Variants in LUZP2 observed in about 807,000 individuals in gnomAD.
LUZP2 encodes leucine zipper protein 2.
In LUZP2, 52 loss-of-function variants were observed where a neutral mutation model predicts 51.6. That is an observed-to-expected ratio of 1.01 (90% confidence interval 0.81 to 1.27). The LOEUF (loss-of-function observed/expected upper bound fraction) is 1.27. Among genes scored for constraint, LUZP2 ranks in the 50% most tolerant of loss-of-function variants. LUZP2 has a pLI of 0.00. For synonymous variants in LUZP2, 154 were observed against 137.3 expected (o/e 1.12, Z -0.85); for missense variants, 436 against 395.4 (o/e 1.10, Z -0.87).
At chr11:25,073,005 G>A (rs1859199361) in intron 10 of LUZP2, among the ~76,000 whole-genome samples, 1 of 152,052 alleles carries the variant, frequency 6.6e-6, no homozygotes. Flanking sequence ...CAAACACTGG[G>A]CTCAGAACAA....
chr11:24,690,469 A>G (rs1373041271), intron 1 of LUZP2, among the ~76,000 whole-genome samples: 2 of 152,288 alleles, frequency 1.3e-5, no homozygotes, highest in Non-Finnish European at 2.9e-5. Flanking sequence ...CCTGAGAAGT[A>G]TCCTATCAAT....
chr11:24,569,123 G>T (rs1852342478), intron 1 of LUZP2, among the ~76,000 whole-genome samples: 1 of 151,940 alleles, frequency 6.6e-6, no homozygotes, highest in Admixed American at 6.6e-5. Context: ...AAGACCTTTG[G>T]GTTAAAATAT....
intron 9 of LUZP2, among the ~76,000 whole-genome samples, chr11:25,013,058 A>G (rs1857028320): frequency 6.6e-6 from 1 of 152,198 alleles, no homozygotes; most frequent in Non-Finnish European, 1.5e-5. Context: ...AAAATGAAAT[A>G]ACGTCATTTT....
At chr11:24,756,537 C>T (rs1055939201) in intron 4 of LUZP2, among the ~76,000 whole-genome samples, 1 of 152,164 alleles carries the variant, frequency 6.6e-6, no homozygotes, top group Non-Finnish European at 1.5e-5. Flanking sequence ...TTCTTCACCC[C>T]CTGCTCTTTT....
intron 9 of LUZP2, among the ~76,000 whole-genome samples, chr11:24,996,118 G>A (rs999971139): frequency 6.6e-6 from 1 of 151,024 alleles, no homozygotes; most frequent in African/African-American, 2.4e-5. Context: ...ACAACAAATT[G>A]TGTATCTGAG....
Position 24,799,755 on chromosome 11 carries a change from T to A in LUZP2, c.396+36447T>A, listed in dbSNP as rs553492821. ...AATAATTATAGCTATCTCCTAGTAA[T>A]GTTGTAGATATTAAATCAAATATGG... On this transcript the variant is annotated intron_variant, in intron 5 of 11. Coordinates refer to ENST00000336930, the MANE Select transcript of LUZP2 (RefSeq NM_001009909.4). 3.3e-5 allele frequency among the ~76,000 whole-genome samples: 5 copies of A among 152,296 alleles called. No homozygotes were observed. The South Asian group carries it at 8.3e-4, about 25-fold the overall frequency.
At chr11:24,934,077 G>C (rs1854529642) in intron 7 of LUZP2, among the ~76,000 whole-genome samples, 1 of 152,222 alleles carries the variant, frequency 6.6e-6, no homozygotes, top group Non-Finnish European at 1.5e-5. Context: ...CAAGGGCAGG[G>C]AAGGTGTATT....
intron 5 of LUZP2, among the ~76,000 whole-genome samples, chr11:24,842,533 A>T (rs914619520): frequency 1.3e-5 from 2 of 151,876 alleles, no homozygotes; most frequent in African/African-American, 4.8e-5. Flanking sequence ...TGACCTCTGT[A>T]CTCAACAATT....
At chr11:24,589,307 C>T (rs1853181404) in intron 1 of LUZP2, among the ~76,000 whole-genome samples, 1 of 152,088 alleles carries the variant, frequency 6.6e-6, no homozygotes, top group African/African-American at 2.4e-5. Context: ...CCCTAGTTAC[C>T]TTGTTCCTAC....
At chr11:24,917,208 A>T (rs1853817660) in intron 7 of LUZP2, among the ~76,000 whole-genome samples, 1 of 152,022 alleles carries the variant, frequency 6.6e-6, no homozygotes, top group Non-Finnish European at 1.5e-5. Flanking sequence ...AATTTGTTTG[A>T]GTTCTTTGTA....
chr11:24,530,099 T>A (rs763909290), intron 1 of LUZP2, among the ~76,000 whole-genome samples: 1 of 150,942 alleles, frequency 6.6e-6, no homozygotes, highest in Non-Finnish European at 1.5e-5. Context: ...CTTTCCATTT[T>A]CTGGTTGCAA....
chr11:24,856,956 G>A (rs889094290), intron 5 of LUZP2, among the ~76,000 whole-genome samples: 1 of 151,888 alleles, frequency 6.6e-6, no homozygotes, highest in Non-Finnish European at 1.5e-5. Flanking sequence ...GGTGAGAAGG[G>A]GTTGAGGGAT....
intron 9 of LUZP2, among the ~76,000 whole-genome samples, chr11:25,009,316 G>T (rs1284427740): frequency 6.6e-6 from 1 of 152,026 alleles, no homozygotes; most frequent in African/African-American, 2.4e-5. Context: ...TGTCATTTTT[G>T]AAATTCTCTA....
At chr11:25,022,602 A>C (rs1857370746) in intron 9 of LUZP2, among the ~76,000 whole-genome samples, 1 of 152,070 alleles carries the variant, frequency 6.6e-6, no homozygotes, top group South Asian at 2.1e-4. Context: ...AGTTTAAGAA[A>C]TCTCATTTTA....
At chr11:25,054,052 A>T (rs1402617708) in intron 10 of LUZP2, among the ~76,000 whole-genome samples, 1 of 152,154 alleles carries the variant, frequency 6.6e-6, no homozygotes. Context: ...AATTTATTAA[A>T]GATATTACAT....
At chr11:24,647,354 G>T (rs1352167654) in intron 1 of LUZP2, among the ~76,000 whole-genome samples, 1 of 151,744 alleles carries the variant, frequency 6.6e-6, no homozygotes, top group Non-Finnish European at 1.5e-5. Flanking sequence ...GACTGTGAAT[G>T]CAGCCAGTAT....
chr11:24,903,322 C>T (rs1420776702), intron 5 of LUZP2, among the ~76,000 whole-genome samples: 1 of 152,160 alleles, frequency 6.6e-6, no homozygotes, highest in Non-Finnish European at 1.5e-5. Flanking sequence ...ATAACTTCCT[C>T]CCATTTGTGT....
At chr11:24,738,381 C>T (rs1859020364) in intron 4 of LUZP2, 79 bp downstream of exon 4, 2 of 889,234 alleles carry the variant, frequency 2.2e-6, no homozygotes, top group South Asian at 2.9e-5. Flanking sequence ...CACTATGGAA[C>T]AAACACACCT....
At chr11:24,704,677 A>G (rs1483769814) in intron 1 of LUZP2, among the ~76,000 whole-genome samples, 3 of 152,134 alleles carry the variant, frequency 2.0e-5, no homozygotes, top group African/African-American at 4.8e-5. Flanking sequence ...TTACAGAACC[A>G]TAAGTTCAAA....
Sources: allele counts gnomAD v4.1 joint callset (sites outside exome capture counted in the v4.1 genomes callset), GRCh38; gene constraint gnomAD v4.1.1; transcripts MANE v1.5; gene names NCBI Gene and HGNC (gene_info 2026-07-23, HGNC 2026-07-21).